Variants in CECR2 observed in about 807,000 individuals in gnomAD.
CECR2 encodes the protein chromatin remodeling regulator CECR2.
Under a neutral mutation model 154.5 loss-of-function variants are expected in CECR2, and 30 were observed. The ratio of observed to expected loss-of-function variants is 0.19; its 90% CI spans 0.15 to 0.26. The LOEUF is 0.26. CECR2 is among the 10% of genes least tolerant of loss of function. The pLI, the probability that CECR2 is intolerant of heterozygous loss-of-function variation, is 1.00. For synonymous variants in CECR2, 725 were observed against 683.7 expected, an observed-to-expected ratio of 1.06 and a Z score of -0.94; for missense variants, 1,743 against 1,829.3, an observed-to-expected ratio of 0.95 and a Z score of 0.86.
intron 1 of CECR2, among the ~76,000 whole-genome samples, chr22:17,394,689 G>C (rs1417328553): frequency 1.3e-5 from 2 of 152,104 alleles, no homozygotes; most frequent in Non-Finnish European, 2.9e-5. Context: ...ACATCCACTG[G>C]GATTTTGATA....
rs148297511 is a variant in CECR2, at chr22:17,513,260, C to T, written c.954+1364C>T. On this transcript the variant is annotated intron_variant, in intron 8 of 18. Transcript: ENST00000262608. Reference sequence around the variant, plus strand: ...GGGACAACACTTTTTAACCGTTTATCCTTTGGGCACTCTTTCATCGAATAT... The same window carrying T: ...GGGACAACACTTTTTAACCGTTTATTCTTTGGGCACTCTTTCATCGAATAT... Among the ~76,000 whole-genome samples the T allele has an allele frequency of 2.3e-3, 352 of 152,290 alleles. 4 individuals are homozygous for T. Among genetic ancestry groups the T allele is most frequent in the African/African-American group, 8.0e-3 (334 of 41,542 alleles).
intron 1 of CECR2, among the ~76,000 whole-genome samples, chr22:17,379,547 A>C (rs1426733227): frequency 2.7e-5 from 4 of 149,712 alleles, no homozygotes; most frequent in Non-Finnish European, 5.9e-5. Flanking sequence ...GTTATCCATG[A>C]CCAGGTCAAA....
intron 9 of CECR2, among the ~76,000 whole-genome samples, chr22:17,533,835 G>T (rs2056397096): frequency 6.6e-6 from 1 of 151,586 alleles, no homozygotes. Context: ...TCCTGCCTCA[G>T]CCTCCCAAGT....
intron 1 of CECR2, among the ~76,000 whole-genome samples, chr22:17,428,822 GTGTGTA>G (rs1569076746): frequency 1.3e-5 from 2 of 149,702 alleles, no homozygotes; most frequent in Non-Finnish European, 2.9e-5. Flanking sequence ...GTGTGTGTGT[GTGTGTA>G]TATAAAGGCA....
intron 1 of CECR2, among the ~76,000 whole-genome samples, chr22:17,363,011 G>A (rs899100574): frequency 2.7e-5 from 4 of 148,472 alleles, no homozygotes; most frequent in Admixed American, 2.0e-4. Context: ...CCTGTGTCAC[G>A]TCCTTTGCAT....
intron 1 of CECR2, among the ~76,000 whole-genome samples, chr22:17,396,636 T>A (rs986211708): frequency 3.3e-5 from 5 of 152,210 alleles, no homozygotes; most frequent in Admixed American, 2.0e-4. Flanking sequence ...AAGCACTGTT[T>A]GAAAATTGCT....
chr22:17,469,483 T>C (rs1200221662), intron 1 of CECR2, among the ~76,000 whole-genome samples: 2 of 152,184 alleles, frequency 1.3e-5, no homozygotes, highest in Non-Finnish European at 2.9e-5. Flanking sequence ...CGACAGCGCG[T>C]CATCACTGTC....
At chr22:17,430,825 G>C (rs545181210) in intron 1 of CECR2, among the ~76,000 whole-genome samples, 1 of 151,968 alleles carries the variant, frequency 6.6e-6, no homozygotes, top group African/African-American at 2.4e-5. Context: ...AATTGCATTG[G>C]CTACGTAAGT....
intron 16 of CECR2, among the ~76,000 whole-genome samples, chr22:17,546,222 T>C (rs1419934395): frequency 6.6e-6 from 1 of 152,172 alleles, no homozygotes; most frequent in African/African-American, 2.4e-5. Flanking sequence ...GCGCGATGGC[T>C]CACGCCTGTA....
At chr22:17,382,263 C>G (rs183022325) in intron 1 of CECR2, among the ~76,000 whole-genome samples, 3 of 152,260 alleles carry the variant, frequency 2.0e-5, no homozygotes, top group Non-Finnish European at 4.4e-5. Flanking sequence ...AACATTGCAA[C>G]AAGCCTTGAA....
intron 1 of CECR2, among the ~76,000 whole-genome samples, chr22:17,417,099 T>A (rs1195584763): frequency 6.6e-6 from 1 of 152,168 alleles, no homozygotes; most frequent in African/African-American, 2.4e-5. Flanking sequence ...GGTAGATGTT[T>A]TACCCTCGTT....
chr22:17,484,760 C>T (rs2055390690), intron 2 of CECR2, among the ~76,000 whole-genome samples: 1 of 152,108 alleles, frequency 6.6e-6, no homozygotes, highest in Non-Finnish European at 1.5e-5. Context: ...CGCCTGTAGT[C>T]CCAGCTACTC....
Position 17,548,439 on chromosome 22 carries a change from C to T in CECR2, c.3152C>T (p.Ala1051Val). 1 of 1,614,014 alleles carries T rather than the reference C, an allele frequency of 6.2e-7. No individual in the cohort carries two copies. Among genetic ancestry groups the T allele is most frequent in the Non-Finnish European group, 8.5e-7 (1 of 1,179,898 alleles). ...CTCTCCACGGTGGCAGACAGGGGCG[C>T]TCTATCCGAGAACGGAGTCATTGGG... Reference protein sequence around the residue: ...RDLSTVADRGALSENGVIGEA... With the variant: ...RDLSTVADRGVLSENGVIGEA... Residue 1051 changes from alanine (A) to valine (V), a missense_variant, in exon 17 of 19, where the codon GCT (alanine) becomes GTT (valine). By Grantham distance (64) the Ala-to-Val change is moderately conservative (BLOSUM62 0). Transcript: ENST00000262608.
intron 7 of CECR2, among the ~76,000 whole-genome samples, chr22:17,507,333 G>A (rs758229274): frequency 3.9e-5 from 6 of 152,162 alleles, no homozygotes; most frequent in Admixed American, 6.6e-5. Context: ...GTTCATGTAC[G>A]ATAATTGCAT....
At chr22:17,508,559 G>A (rs966187167) in intron 7 of CECR2, among the ~76,000 whole-genome samples, 1 of 151,910 alleles carries the variant, frequency 6.6e-6, no homozygotes, top group African/African-American at 2.4e-5. Flanking sequence ...CTACCATCTA[G>A]GGTTGTATAT....
chr22:17,531,869 G>A (rs1377009262), intron 9 of CECR2, among the ~76,000 whole-genome samples: 1 of 152,170 alleles, frequency 6.6e-6, no homozygotes, highest in East Asian at 1.9e-4. Flanking sequence ...GCAGACCTCA[G>A]GGGACGATGG....
At chr22:17,460,153 C>T (rs1173559328) in intron 1 of CECR2, among the ~76,000 whole-genome samples, 1 of 152,166 alleles carries the variant, frequency 6.6e-6, no homozygotes, top group African/African-American at 2.4e-5. Context: ...CCTATGACAC[C>T]TCTCTGTATA....
At chr22:17,414,665 TC>T (rs2054130102) in intron 1 of CECR2, among the ~76,000 whole-genome samples, 1 of 148,686 alleles carries the variant, frequency 6.7e-6, no homozygotes. Flanking sequence ...TCCCTCCCCC[TC>T]CCCCCACCCC....
At chr22:17,442,014 A>G (rs745416217) in intron 1 of CECR2, among the ~76,000 whole-genome samples, 9 of 152,276 alleles carry the variant, frequency 5.9e-5, no homozygotes, top group East Asian at 1.9e-4. Flanking sequence ...TGTTGACTTC[A>G]TTTTCATTGA....
Sources: gnomAD v4.1 joint callset for allele counts (sites outside exome capture counted in the v4.1 genomes callset) on GRCh38, gnomAD v4.1.1 for gene constraint, MANE v1.5 for transcripts, NCBI Gene and HGNC (gene_info 2026-07-23, HGNC 2026-07-21) for gene names.